LHFPL2: variants seen among roughly 807,000 people sequenced by gnomAD.
The protein encoded by LHFPL2 is LHFPL tetraspan subfamily member 2.
A neutral mutation model predicts 17.5 loss-of-function variants in LHFPL2; 7 were observed. That is an observed-to-expected ratio of 0.40 (90% CI 0.23 to 0.75). The LOEUF is 0.75. Ranked by LOEUF, LHFPL2 falls within the 30% of genes least tolerant of loss-of-function variation. The pLI is 0.37. For synonymous variants in LHFPL2, 134 were observed against 116.2 expected (o/e 1.15, Z -0.99); for missense variants, 241 against 294.8 (o/e 0.82, Z 1.34).
chr5:78,534,438 A>G (rs1561326451), intron 3 of LHFPL2, among the ~76,000 whole-genome samples: 1 of 152,196 alleles, frequency 6.6e-6, no homozygotes, highest in Non-Finnish European at 1.5e-5. Context: ...CAGGGCTGTG[A>G]GCAAGGGAGC....
chr5:78,515,699 C>A (rs576719303), intron 3 of LHFPL2, among the ~76,000 whole-genome samples: 2 of 152,208 alleles, frequency 1.3e-5, no homozygotes, highest in Non-Finnish European at 2.9e-5. Flanking sequence ...GGTCCCCAAC[C>A]AACCACTGAA....
chr5:78,614,630 T>C (rs1744536717), intron 2 of LHFPL2, among the ~76,000 whole-genome samples: 1 of 152,178 alleles, frequency 6.6e-6, no homozygotes, highest in Non-Finnish European at 1.5e-5. Context: ...CTTAAACTTA[T>C]GGTGGAACCC....
At chr5:78,557,913 G>A (rs190435172) in intron 3 of LHFPL2, among the ~76,000 whole-genome samples, 12 of 152,240 alleles carry the variant, frequency 7.9e-5, no homozygotes, top group Admixed American at 2.0e-4. Context: ...TATGACTAAC[G>A]GTTCCACCCA....
At position 78,520,432 on chromosome 5, in the gene LHFPL2, A is replaced by G. The variant is rs555264039; in HGVS notation, c.-185-10034T>C. ...GCTGGACTTGCAGATCACCACTGTC[A>G]CTTTCAGCTCCAAAAGTCAGTCACT... is the stretch of plus-strand genomic sequence containing the variant. On this transcript the variant is annotated intron_variant, in intron 3 of 4. Transcript: ENST00000380345. Among the ~76,000 whole-genome samples, 272 of 152,320 alleles carry G rather than the reference A, an allele frequency of 1.8e-3. 1 individual carries two copies. Among genetic ancestry groups the G allele is most frequent in the Non-Finnish European group, 2.8e-3 (191 of 68,024 alleles).
At chr5:78,578,419 G>C (rs1160039237) in intron 2 of LHFPL2, among the ~76,000 whole-genome samples, 1 of 152,130 alleles carries the variant, frequency 6.6e-6, no homozygotes, top group Non-Finnish European at 1.5e-5. Context: ...TCTCTCACAG[G>C]GGGGTTTTGG....
At chr5:78,498,099 C>T (rs542199289) in intron 4 of LHFPL2, among the ~76,000 whole-genome samples, 5 of 152,178 alleles carry the variant, frequency 3.3e-5, no homozygotes, top group South Asian at 2.1e-4. Flanking sequence ...AGGTGAGCCA[C>T]GACCACTTGT....
At chr5:78,561,482 C>T (rs1270796719) in intron 3 of LHFPL2, among the ~76,000 whole-genome samples, 6 of 152,210 alleles carry the variant, frequency 3.9e-5, no homozygotes, top group Non-Finnish European at 8.8e-5. Flanking sequence ...AAGACCAACT[C>T]CCAGTGCTGC....
At chr5:78,637,736 G>GGAA (rs1745505844) in intron 1 of LHFPL2, among the ~76,000 whole-genome samples, 1 of 152,224 alleles carries the variant, frequency 6.6e-6, no homozygotes, top group African/African-American at 2.4e-5. Context: ...GAGTAGCAGG[G>GGAA]GAAGCATCAC....
intron 3 of LHFPL2, among the ~76,000 whole-genome samples, chr5:78,534,717 C>T (rs1755893022): frequency 6.6e-6 from 1 of 152,220 alleles, no homozygotes; most frequent in African/African-American, 2.4e-5. Flanking sequence ...AGGGCCTTCT[C>T]AGCCCAAACA....
At chr5:78,581,238 C>A (rs1452351577) in intron 2 of LHFPL2, among the ~76,000 whole-genome samples, 2 of 152,164 alleles carry the variant, frequency 1.3e-5, no homozygotes. Context: ...CATCTGCAAA[C>A]AGGGACAATT....
intron 3 of LHFPL2, among the ~76,000 whole-genome samples, chr5:78,537,019 C>T (rs1255059328): frequency 6.6e-6 from 1 of 152,226 alleles, no homozygotes; most frequent in African/African-American, 2.4e-5. Flanking sequence ...GCGTTGGTGG[C>T]ACCTAGGAGC....
intron 3 of LHFPL2, among the ~76,000 whole-genome samples, chr5:78,514,516 T>G (rs1397522181): frequency 6.6e-6 from 1 of 152,194 alleles, no homozygotes. Context: ...GTGAAGGTCC[T>G]CAGTAGAGCT....
intron 2 of LHFPL2, among the ~76,000 whole-genome samples, chr5:78,584,777 A>C (rs1333130228): frequency 6.6e-6 from 1 of 152,110 alleles, no homozygotes; most frequent in Non-Finnish European, 1.5e-5. Flanking sequence ...GCCTATAAAG[A>C]CAGGCAGGCC....
chr5:78,629,141 A>G (rs1472180684), intron 2 of LHFPL2, among the ~76,000 whole-genome samples: 1 of 152,212 alleles, frequency 6.6e-6, no homozygotes, highest in Non-Finnish European at 1.5e-5. Flanking sequence ...TTAACTACTT[A>G]TCCAAAGGAC....
At chr5:78,635,088 C>T (rs1320200894) in intron 1 of LHFPL2, among the ~76,000 whole-genome samples, 2 of 152,116 alleles carry the variant, frequency 1.3e-5, no homozygotes, top group Non-Finnish European at 1.5e-5. Flanking sequence ...AGTCCTCTGT[C>T]GGTTCTGGTT....
intron 3 of LHFPL2, among the ~76,000 whole-genome samples, chr5:78,531,955 C>T (rs199972942): frequency 1.3e-5 from 2 of 150,254 alleles, no homozygotes; most frequent in East Asian, 3.9e-4. Context: ...GACAGAGTCT[C>T]ACTCTGTCAC....
chr5:78,611,451 C>T (rs1744420504), intron 2 of LHFPL2, among the ~76,000 whole-genome samples: 1 of 152,192 alleles, frequency 6.6e-6, no homozygotes, highest in Non-Finnish European at 1.5e-5. Flanking sequence ...ATTCACATTC[C>T]AGAGCTTAAG....
rs1745963835 is a variant in LHFPL2, at chr5:78,648,333, G to A, written c.-350+166C>T. On this transcript the variant is annotated intron_variant, in intron 1 of 4. Coordinates refer to ENST00000380345, the MANE Select transcript of LHFPL2 (RefSeq NM_005779.3). This position sits in a 1 kb window ranked among gnomAD's most constrained non-coding sequence, Gnocchi z 5.4. ...GCAGCACCTCCGACCGCTCGGCGCG[G>A]TCTCCCAGGGCGCCGAAGCGAAGTT... Among the ~76,000 whole-genome samples the A allele has an allele frequency of 6.6e-6, 1 of 152,000 alleles. No homozygotes were observed. Among genetic ancestry groups the A allele is most frequent in the African/African-American group, 2.4e-5 (1 of 41,422 alleles).
chr5:78,542,938 T>C (rs1370692397), intron 3 of LHFPL2, among the ~76,000 whole-genome samples: 2 of 152,140 alleles, frequency 1.3e-5, no homozygotes, highest in Non-Finnish European at 2.9e-5. Flanking sequence ...AGTCCTCTTT[T>C]AACAAAACGC....
Sources: allele counts gnomAD v4.1 joint callset (sites outside exome capture counted in the v4.1 genomes callset), GRCh38; gene constraint gnomAD v4.1.1; non-coding constraint Gnocchi (gnomAD v3.1); transcripts MANE v1.5; gene names NCBI Gene and HGNC (gene_info 2026-07-23, HGNC 2026-07-21).